TRAPPC10: variants seen among roughly 807,000 people sequenced by gnomAD.
The protein encoded by TRAPPC10 is TRAPP 130 kDa subunit.
Under a neutral mutation model 125.5 loss-of-function variants are expected in TRAPPC10, and 23 were observed. The ratio of observed to expected loss-of-function variants is 0.18; its 90% CI spans 0.13 to 0.26. The LOEUF is 0.26. Ranked by LOEUF, TRAPPC10 falls within the 10% of genes least tolerant of loss-of-function variation. The pLI, the probability that TRAPPC10 is intolerant of heterozygous loss-of-function variation, is 1.00. For missense variants in TRAPPC10, 1,123 were observed against 1,308.4 expected (o/e 0.86, Z 2.19); for synonymous variants, 509 against 518.0 (o/e 0.98, Z 0.24).
At chr21:44,043,332 G>A (rs1024831172) in intron 3 of TRAPPC10, among the ~76,000 whole-genome samples, 5 of 147,448 alleles carry the variant, frequency 3.4e-5, no homozygotes, top group African/African-American at 1.3e-4. Flanking sequence ...TTCTGTCCCA[G>A]TCTCCTGAGT....
intron 20 of TRAPPC10, among the ~76,000 whole-genome samples, chr21:44,095,854 C>T (rs550481151): frequency 2.6e-5 from 4 of 152,124 alleles, no homozygotes; most frequent in African/African-American, 9.6e-5. Context: ...AAGCATGAGC[C>T]GCCGTGCCTG....
chr21:44,068,535 G>A (rs952917588), intron 7 of TRAPPC10, among the ~76,000 whole-genome samples: 1 of 152,146 alleles, frequency 6.6e-6, no homozygotes, highest in African/African-American at 2.4e-5. Context: ...AGAGAGAGGT[G>A]AAGAGTTTGG....
chr21:44,032,827 C>T (rs1440752309), intron 2 of TRAPPC10, among the ~76,000 whole-genome samples: 3 of 152,218 alleles, frequency 2.0e-5, no homozygotes, highest in Non-Finnish European at 2.9e-5. Context: ...AAAGGAGACA[C>T]GTGCTCACTT....
intron 7 of TRAPPC10, among the ~76,000 whole-genome samples, chr21:44,068,614 A>T (rs1484049064): frequency 3.3e-5 from 5 of 151,996 alleles, no homozygotes; most frequent in African/African-American, 7.3e-5. Context: ...TTTATTTTTT[A>T]TTATTATTAT....
intron 20 of TRAPPC10, among the ~76,000 whole-genome samples, chr21:44,094,478 T>A (rs1244563097): frequency 3.3e-5 from 5 of 152,228 alleles, no homozygotes; most frequent in Non-Finnish European, 5.9e-5. Context: ...TGTTTGTCAT[T>A]TGGAAAGCCC....
intron 1 of TRAPPC10, among the ~76,000 whole-genome samples, chr21:44,030,560 C>T (rs1021333989): frequency 7.2e-5 from 11 of 151,870 alleles, no homozygotes; most frequent in Admixed American, 3.3e-4. Context: ...CTCCGCCTTC[C>T]GGTTCAAGCG....
intron 14 of TRAPPC10, 50 bp downstream of exon 14, chr21:44,083,352 G>A (rs777118976): frequency 9.5e-6 from 15 of 1,577,348 alleles, no homozygotes; most frequent in African/African-American, 8.1e-5. Context: ...AAGCAGGGCC[G>A]TGGAGCTTAC....
At chr21:44,038,493 G>A (rs781057932) in intron 3 of TRAPPC10, among the ~76,000 whole-genome samples, 7 of 151,870 alleles carry the variant, frequency 4.6e-5, no homozygotes, top group Non-Finnish European at 8.8e-5. Flanking sequence ...GCCTGGGCAG[G>A]AGGCGCCCCG....
chr21:44,088,929 C>T (rs1056710554), intron 17 of TRAPPC10: 2 of 166,042 alleles, frequency 1.2e-5, no homozygotes, highest in Non-Finnish European at 2.5e-5. Context: ...CCGTGTTATC[C>T]CACTCTTCTC....
intron 3 of TRAPPC10, among the ~76,000 whole-genome samples, chr21:44,047,527 GGAGTAT>G (rs2034919365): frequency 9.5e-6 from 1 of 104,920 alleles, no homozygotes; most frequent in African/African-American, 5.7e-5. Context: ...CCTCTCTGGG[GGAGTAT>G]GTGTGTGTGT....
chr21:44,031,845 G>C (rs899872726), intron 1 of TRAPPC10, among the ~76,000 whole-genome samples: 1 of 152,134 alleles, frequency 6.6e-6, no homozygotes, highest in Non-Finnish European at 1.5e-5. Flanking sequence ...TCTGATCCTT[G>C]TTTTCCTTGT....
chr21:44,052,850 G>C (rs898056808), intron 4 of TRAPPC10, among the ~76,000 whole-genome samples: 1 of 151,372 alleles, frequency 6.6e-6, no homozygotes, highest in African/African-American at 2.4e-5. Flanking sequence ...CTTAACACCT[G>C]AGAGTTCCTA....
intron 19 of TRAPPC10, among the ~76,000 whole-genome samples, chr21:44,093,585 C>T (rs1484534414): frequency 6.6e-6 from 1 of 152,152 alleles, no homozygotes; most frequent in African/African-American, 2.4e-5. Context: ...CGGTGAAACC[C>T]TGTCTCTACT....
intron 15 of TRAPPC10, 92 bp from the exon 16 acceptor site, chr21:44,086,710 A>G (rs186146172): frequency 5.1e-6 from 7 of 1,380,794 alleles, no homozygotes; most frequent in African/African-American, 2.9e-5. Context: ...TTTCATAGTA[A>G]AAGAAATAGA....
chr21:44,060,628 T>A (rs1476390156), intron 6 of TRAPPC10, among the ~76,000 whole-genome samples: 2 of 151,782 alleles, frequency 1.3e-5, no homozygotes, highest in Non-Finnish European at 2.9e-5. Context: ...TGAGACAGTG[T>A]CTCACTCTGT....
intron 1 of TRAPPC10, among the ~76,000 whole-genome samples, chr21:44,016,698 G>A (rs990606357): frequency 6.6e-6 from 1 of 152,044 alleles, no homozygotes; most frequent in Non-Finnish European, 1.5e-5. Context: ...TTGCTTTGTT[G>A]CCCAGGCTGG....
At chr21:44,044,115 T>G (rs2034605563) in intron 3 of TRAPPC10, among the ~76,000 whole-genome samples, 1 of 152,246 alleles carries the variant, frequency 6.6e-6, no homozygotes, top group African/African-American at 2.4e-5. Flanking sequence ...GGGATTGCCT[T>G]GAATAAGTTG....
In TRAPPC10 at chr21:44,032,176, T is replaced by C. The variant is rs761864945; in HGVS notation, c.149+4T>C. On this transcript the variant is annotated splice_donor_region_variant and intron_variant, in intron 2 of 22. Transcript: ENST00000291574. ...GAGAACCAATGGAATGGAGAAGGTA[T>C]GAGTTGTGTGTTTTTTGGCTGTATC... is the stretch of plus-strand genomic sequence containing the variant. The C allele has an allele frequency of 6.2e-7, 1 of 1,611,716 alleles. No homozygotes were observed.
chr21:44,079,750 A>G, intron 12 of TRAPPC10, 46 bp downstream of exon 12: 1 of 1,575,914 alleles, frequency 6.3e-7, no homozygotes, highest in Non-Finnish European at 8.6e-7. Flanking sequence ...TTTTCTGTTT[A>G]TACGGCAACA....
Sources: allele counts gnomAD v4.1 joint callset (sites outside exome capture counted in the v4.1 genomes callset), GRCh38; gene constraint gnomAD v4.1.1; transcripts MANE v1.5; gene names NCBI Gene and HGNC (gene_info 2026-07-23, HGNC 2026-07-21).